ALDH1A1: variants seen among roughly 807,000 people sequenced by gnomAD.
The protein encoded by ALDH1A1 is aldehyde dehydrogenase 1 family member A1.
In ALDH1A1, 19 loss-of-function variants were observed where a neutral mutation model predicts 62.1. That is an observed-to-expected ratio of 0.31 (90% CI 0.21 to 0.45). ALDH1A1 has a LOEUF of 0.45. Ranked by LOEUF, ALDH1A1 falls within the 20% of genes least tolerant of loss-of-function variation. The pLI is 1.00. For synonymous variants in ALDH1A1, 231 were observed against 215.9 expected (o/e 1.07, Z -0.61); for missense variants, 521 against 607.1 (o/e 0.86, Z 1.49).
intron 5 of ALDH1A1, among the ~76,000 whole-genome samples, chr9:72,926,009 A>G (rs1244888737): frequency 1.3e-5 from 2 of 152,234 alleles, no homozygotes; most frequent in Non-Finnish European, 2.9e-5. Flanking sequence ...ATTATTTAGT[A>G]GCTTTTATTT....
chr9:72,921,832 A>G (rs988473010), intron 7 of ALDH1A1, among the ~76,000 whole-genome samples: 1 of 152,074 alleles, frequency 6.6e-6, no homozygotes, highest in African/African-American at 2.4e-5. Context: ...GGCAATAGGC[A>G]TGCACTGTTA....
chr9:72,928,948 G>A lies in ALDH1A1; in HGVS notation c.386C>T (p.Thr129Ile). Residue 129 changes from threonine to isoleucine, a missense_variant, in exon 4 of 13, where the codon ACA (threonine) becomes ATA (isoleucine). Physicochemically the swap from Thr to Ile is moderately conservative, Grantham distance 89 (BLOSUM62 -1). Coordinates refer to ENST00000297785, the MANE Select transcript of ALDH1A1 (RefSeq NM_000689.5). ...YLNDLAGCIK[T>I]LRYCAGWADK... Reference sequence around the variant, plus strand: ...AGCCCAACCTGCACAGTAGCGCAATGTTTTGATGCAGCCTGCTAAATCATT... The same window carrying A: ...AGCCCAACCTGCACAGTAGCGCAATATTTTGATGCAGCCTGCTAAATCATT... 6.2e-7 allele frequency: 1 copy of A among 1,614,014 alleles called. No individual in the cohort carries two copies. The highest frequency in any genetic ancestry group is 8.5e-7 in the Non-Finnish European group (1 of 1,179,932).
At chr9:72,937,202 T>C (rs965749950) in intron 2 of ALDH1A1, among the ~76,000 whole-genome samples, 2 of 152,178 alleles carry the variant, frequency 1.3e-5, no homozygotes, top group African/African-American at 4.8e-5. Flanking sequence ...ATATCTATAG[T>C]ATAGTATATC....
intron 1 of ALDH1A1, among the ~76,000 whole-genome samples, chr9:72,944,324 G>A (rs1481889821): frequency 6.6e-6 from 1 of 152,066 alleles, no homozygotes; most frequent in African/African-American, 2.4e-5. Context: ...TATGAATTAT[G>A]CCATTCTCCC....
chr9:72,922,818 A>G (rs1350716600), intron 7 of ALDH1A1, among the ~76,000 whole-genome samples: 3 of 152,196 alleles, frequency 2.0e-5, no homozygotes, highest in African/African-American at 7.2e-5. Flanking sequence ...TCTGTCTACA[A>G]TAAATCTTGA....
At chr9:72,925,810 G>C (rs561859585) in intron 5 of ALDH1A1, among the ~76,000 whole-genome samples, 198 bp from the exon 6 acceptor site, 1 of 152,162 alleles carries the variant, frequency 6.6e-6, no homozygotes, top group South Asian at 2.1e-4. Flanking sequence ...TATGAGATAT[G>C]AGAAGGAAAT....
chr9:72,937,212 C>T (rs1830356678), intron 2 of ALDH1A1, among the ~76,000 whole-genome samples: 1 of 152,130 alleles, frequency 6.6e-6, no homozygotes, highest in African/African-American at 2.4e-5. Context: ...TATAGTATAT[C>T]TATCGAATAT....
At chr9:72,914,513 C>A (rs1489038351) in intron 9 of ALDH1A1, among the ~76,000 whole-genome samples, 1 of 152,144 alleles carries the variant, frequency 6.6e-6, no homozygotes, top group Non-Finnish European at 1.5e-5. Context: ...TCCTATATAA[C>A]TGTAACTCCA....
intron 4 of ALDH1A1, among the ~76,000 whole-genome samples, chr9:72,928,536 A>G (rs1393317133): frequency 2.0e-5 from 3 of 152,250 alleles, no homozygotes; most frequent in African/African-American, 7.2e-5. Context: ...TATAAATGTC[A>G]GTATTGGAAT....
chr9:72,913,320 T>A (rs914184165), intron 9 of ALDH1A1, among the ~76,000 whole-genome samples: 4 of 152,144 alleles, frequency 2.6e-5, no homozygotes, highest in African/African-American at 9.7e-5. Flanking sequence ...TTTAATATAA[T>A]ATCCCAGAAG....
At chr9:72,940,556 A>G (rs913433609) in intron 1 of ALDH1A1, among the ~76,000 whole-genome samples, 1 of 152,226 alleles carries the variant, frequency 6.6e-6, no homozygotes, top group Non-Finnish European at 1.5e-5. Context: ...GAGGCAAAGC[A>G]AAGGCTTTTG....
At chr9:72,903,925 A>T (rs989066801) in intron 12 of ALDH1A1, among the ~76,000 whole-genome samples, 1 of 152,074 alleles carries the variant, frequency 6.6e-6, no homozygotes, top group Non-Finnish European at 1.5e-5. Flanking sequence ...TACTTTTTGT[A>T]CAAAGTAATT....
At chr9:72,907,989 G>A (rs887490153) in intron 11 of ALDH1A1, among the ~76,000 whole-genome samples, 12 of 152,114 alleles carry the variant, frequency 7.9e-5, no homozygotes, top group Admixed American at 5.9e-4. Flanking sequence ...GGGCTTTGGA[G>A]GAGAAATTTA....
chr9:72,915,243 T>G (rs1487849947), intron 9 of ALDH1A1, among the ~76,000 whole-genome samples: 1 of 152,186 alleles, frequency 6.6e-6, no homozygotes, highest in Non-Finnish European at 1.5e-5. Context: ...TTAACTTCCT[T>G]ATCTTAAAAT....
chr9:72,931,739 A>T (rs1830284506), intron 2 of ALDH1A1, among the ~76,000 whole-genome samples: 1 of 152,226 alleles, frequency 6.6e-6, no homozygotes, highest in Admixed American at 6.5e-5. Flanking sequence ...GAACTAATAG[A>T]GTAGGATGTG....
chr9:72,943,563 C>T (rs1830441224), intron 1 of ALDH1A1, among the ~76,000 whole-genome samples: 1 of 152,098 alleles, frequency 6.6e-6, no homozygotes, highest in East Asian at 1.9e-4. Context: ...CCCAAATTAC[C>T]AGCACTGTTC....
rs79636223 is a variant in ALDH1A1 at position 72,946,750 on chromosome 9, C to G, written c.66+6185G>C. 3.6e-3 allele frequency among the ~76,000 whole-genome samples: 542 copies of G among 152,004 alleles called. 5 individuals carry two copies. Among genetic ancestry groups the G allele is most frequent in the African/African-American group, 0.012 (515 of 41,502 alleles). On this transcript the variant is annotated intron_variant, in intron 1 of 12. Coordinates refer to ENST00000297785, the MANE Select transcript of ALDH1A1 (RefSeq NM_000689.5). ...ATAAATCAAACCAAAGTGCACCCCC[C>G]CACACCACCATCCCAAGCCAGATAA...
chr9:72,927,354 C>T (rs142790747), intron 4 of ALDH1A1, among the ~76,000 whole-genome samples, 177 bp from the exon 5 acceptor site: 7 of 152,194 alleles, frequency 4.6e-5, no homozygotes, highest in Non-Finnish European at 8.8e-5. Context: ...AGGCAGATCA[C>T]GAGGTCAAGA....
At position 72,901,113 on chromosome 9, in the gene ALDH1A1, A is replaced by C; in HGVS notation, c.*95T>G. ...ATTTAGCTTATGTTTAAAAAAATCA[A>C]GAAAAGAAAAATTTTGTCTTTAAAA... is the stretch of plus-strand genomic sequence containing the variant. On this transcript the variant is annotated 3_prime_UTR_variant, in exon 13 of 13. Transcript: ENST00000297785. 1.1e-6 allele frequency: 1 copy of C among 926,674 alleles called. No homozygotes were observed. The highest frequency in any genetic ancestry group is 1.8e-5 in the South Asian group (1 of 54,244). The allele number at this position is 926,674 out of a possible 1,614,324, so 57.4% of individuals were successfully genotyped here.
Sources: allele counts gnomAD v4.1 joint callset (sites outside exome capture counted in the v4.1 genomes callset), GRCh38; gene constraint gnomAD v4.1.1; transcripts MANE v1.5; gene names NCBI Gene and HGNC (gene_info 2026-07-23, HGNC 2026-07-21).